SOX6: variants seen among roughly 807,000 people sequenced by gnomAD.
SOX6 encodes SRY-box transcription factor 6.
In SOX6, 11 loss-of-function variants were observed where a neutral mutation model predicts 97.8. The ratio of observed to expected loss-of-function variants is 0.11; its 90% CI spans 0.07 to 0.19. The LOEUF (loss-of-function observed/expected upper bound fraction) is 0.19, where lower values mean the gene tolerates loss of function less well. Among genes scored for constraint, SOX6 ranks in the 10% least tolerant of loss-of-function variants. The pLI is 1.00. For synonymous variants in SOX6, 360 were observed against 371.4 expected, an observed-to-expected ratio of 0.97 and a Z score of 0.35; for missense variants, 810 against 1,039.5, an observed-to-expected ratio of 0.78 and a Z score of 3.04.
At chr11:16,198,617 A>G (rs1384354037) in intron 4 of SOX6, among the ~76,000 whole-genome samples, 1 of 152,162 alleles carries the variant, frequency 6.6e-6, no homozygotes, top group African/African-American at 2.4e-5. Context: ...GTACTTAAAA[A>G]CAACCTCAGC....
At chr11:16,456,486 G>A (rs981406116) in intron 1 of SOX6, among the ~76,000 whole-genome samples, 1 of 152,102 alleles carries the variant, frequency 6.6e-6, no homozygotes, top group Non-Finnish European at 1.5e-5. Flanking sequence ...AGGCCAGACT[G>A]AGGTTTATAA....
chr11:16,378,227 T>C (rs1429811590), intron 1 of SOX6, among the ~76,000 whole-genome samples: 1 of 152,172 alleles, frequency 6.6e-6, no homozygotes, highest in Non-Finnish European at 1.5e-5. Flanking sequence ...TAAAAATGTG[T>C]CCTTAAAGTA....
At chr11:16,699,529 A>G (rs1160247352) in intron 3 of SOX6, among the ~76,000 whole-genome samples, 1 of 152,162 alleles carries the variant, frequency 6.6e-6, no homozygotes, top group Non-Finnish European at 1.5e-5. Context: ...TAAACAAGTG[A>G]TTCTGCTCTG....
intron 9 of SOX6, among the ~76,000 whole-genome samples, chr11:16,057,069 C>T (rs887337231): frequency 6.6e-6 from 1 of 152,112 alleles, no homozygotes; most frequent in Admixed American, 6.6e-5. Context: ...CCTTATCTCA[C>T]CCCCTGTTCT....
At position 16,511,388 on chromosome 11, in the gene SOX6, G is replaced by T. The variant is rs1860877850; in HGVS notation, n.610-35000C>A. Among the ~76,000 whole-genome samples, 4 of 152,116 alleles carry T rather than the reference G, an allele frequency of 2.6e-5. No homozygotes were observed. In the South Asian group the frequency reaches 8.3e-4, roughly 32 times the overall value. On this transcript the variant is annotated intron_variant and non_coding_transcript_variant, in intron 4 of 5. Coordinates refer to the SOX6 transcript ENST00000524520. ...ATTGACTTAGCACTTAACACTCTAGGGAGGATTAAACCAATTTTTTTAAGC... is the reference window on the plus strand; with the variant it reads ...ATTGACTTAGCACTTAACACTCTAGTGAGGATTAAACCAATTTTTTTAAGC...
chr11:16,546,483 G>A (rs976794498), intron 4 of SOX6, among the ~76,000 whole-genome samples: 7 of 152,004 alleles, frequency 4.6e-5, no homozygotes, highest in South Asian at 4.1e-4. Context: ...ACTAATTTTC[G>A]ACAAAGGTGC....
At chr11:16,479,529 TAAA>T (rs77854554), upstream of SOX6, among the ~76,000 whole-genome samples, 5 of 126,856 alleles carry the variant, frequency 3.9e-5, no homozygotes, top group Non-Finnish European at 3.4e-5. Flanking sequence ...GACTCTGTCT[TAAA>T]AAAAAAAAAA....
At chr11:16,390,725 C>T (rs556383044) in intron 1 of SOX6, among the ~76,000 whole-genome samples, 196 of 152,222 alleles carry the variant, frequency 1.3e-3, no homozygotes, top group African/African-American at 4.2e-3. Flanking sequence ...AAAATAGGAA[C>T]GCTTTTACAC....
chr11:16,607,409 T>C lies in SOX6; in HGVS notation n.609+4672A>G, dbSNP rs1164234077. The C allele has an allele frequency of 2.0e-5, 3 of 152,194 alleles. No individual in the cohort carries two copies. The allele number at this position is 152,194 out of a possible 1,614,324, so 9.4% of individuals were successfully genotyped here. A position where few individuals can be genotyped will look rare whatever the true frequency, so the allele number is the denominator to read the frequency against. ...TTGTGCGCTGCGCCGCAGGAGTAAA[T>C]GGCATTAAAGAAAAAGGGAAAGATA... On this transcript the variant is annotated intron_variant and non_coding_transcript_variant, in intron 4 of 5. Transcript: ENST00000524520. This position sits in a 1 kb window ranked among gnomAD's most constrained non-coding sequence, Gnocchi z 6.5.
At chr11:16,103,503 C>A (rs1849000955) in intron 7 of SOX6, among the ~76,000 whole-genome samples, 1 of 151,932 alleles carries the variant, frequency 6.6e-6, no homozygotes, top group African/African-American at 2.4e-5. Context: ...TTTGATCCAG[C>A]AATCCCACTA....
intron 6 of SOX6, among the ~76,000 whole-genome samples, chr11:16,135,054 CT>C (rs1849926356): frequency 6.6e-6 from 1 of 152,098 alleles, no homozygotes; most frequent in Non-Finnish European, 1.5e-5. Flanking sequence ...TTAAATTTAC[CT>C]TGCCTGTGCT....
intron 3 of SOX6, among the ~76,000 whole-genome samples, chr11:16,626,179 C>A (rs1327572306): frequency 6.6e-6 from 1 of 152,188 alleles, no homozygotes; most frequent in Non-Finnish European, 1.5e-5. Context: ...AAAACCCACA[C>A]ATCTGGTGTC....
At chr11:16,371,686 A>G (rs1200361068) in intron 1 of SOX6, among the ~76,000 whole-genome samples, 1 of 152,158 alleles carries the variant, frequency 6.6e-6, no homozygotes, top group Non-Finnish European at 1.5e-5. Flanking sequence ...TACATGTTGC[A>G]TATGTATAAA....
At chr11:16,011,180 T>G (rs1854713530) in intron 13 of SOX6, among the ~76,000 whole-genome samples, 1 of 152,042 alleles carries the variant, frequency 6.6e-6, no homozygotes, top group Admixed American at 6.6e-5. Context: ...GAAAAGTCCA[T>G]AAAAAGTTCA....
Position 16,290,258 on chromosome 11 carries a change from T to G in SOX6, c.445+28188A>C, listed in dbSNP as rs561972202. Among the ~76,000 whole-genome samples, 45 of 152,044 alleles carry G rather than the reference T, an allele frequency of 3.0e-4. 1 individual carries two copies. The South Asian group carries it at 8.9e-3, about 30-fold the overall frequency. On this transcript the variant is annotated intron_variant, in intron 3 of 15. Transcript: ENST00000683767. ...AAACAGCTCAAAATCAAAGAGTAAATAAAATAGCTTTCAAGTTTTCTTAGT... is the reference window on the plus strand; with the variant it reads ...AAACAGCTCAAAATCAAAGAGTAAAGAAAATAGCTTTCAAGTTTTCTTAGT...
At chr11:16,660,966 T>C (rs1042696816) in intron 3 of SOX6, among the ~76,000 whole-genome samples, 2 of 152,252 alleles carry the variant, frequency 1.3e-5, no homozygotes, top group Non-Finnish European at 2.9e-5. Context: ...TAGATCTAGT[T>C]AGCTGAGAGT....
intron 7 of SOX6, among the ~76,000 whole-genome samples, chr11:16,099,119 G>A (rs1045591262): frequency 1.1e-4 from 16 of 151,850 alleles, no homozygotes; most frequent in African/African-American, 1.9e-4. Flanking sequence ...CATATGGAGC[G>A]CTGCTACAAT....
chr11:16,592,696 T>C (rs1042834589), intron 4 of SOX6, among the ~76,000 whole-genome samples: 1 of 152,028 alleles, frequency 6.6e-6, no homozygotes, highest in Non-Finnish European at 1.5e-5. Context: ...AGAACATTAA[T>C]ACAAATGTCC....
chr11:16,492,616 T>C (rs1341512457), intron 4 of SOX6, among the ~76,000 whole-genome samples: 2 of 152,162 alleles, frequency 1.3e-5, no homozygotes, highest in Non-Finnish European at 2.9e-5. Flanking sequence ...GGCTTTTTCC[T>C]TCTTCCAAAC....
Sources: gnomAD v4.1 joint callset for allele counts (sites outside exome capture counted in the v4.1 genomes callset) on GRCh38, gnomAD v4.1.1 for gene constraint, Gnocchi (gnomAD v3.1) non-coding constraint, MANE v1.5 for transcripts, NCBI Gene and HGNC (gene_info 2026-07-23, HGNC 2026-07-21) for gene names.